The following B3GLCT variants were observed in gnomAD, a reference collection of about 807,000 sequenced individuals.
The protein encoded by B3GLCT is beta 3-glucosyltransferase, also known as beta-1,3-glucosyltransferase.
A neutral mutation model predicts 63.4 loss-of-function variants in B3GLCT; 65 were observed. The ratio of observed to expected loss-of-function variants is 1.03; its 90% CI spans 0.84 to 1.26. B3GLCT has a LOEUF of 1.26. B3GLCT is among the 50% of genes most tolerant of loss of function. The probability of loss-of-function intolerance (pLI) is 0.00; values close to 1 mark genes in which losing one functional copy is unlikely to be tolerated. For missense variants in B3GLCT, 577 were observed against 604.8 expected (o/e 0.95, Z 0.48); for synonymous variants, 233 against 219.2 (o/e 1.06, Z -0.55).
chr13:31,206,771 T>G (rs1251614244), intron 1 of B3GLCT, among the ~76,000 whole-genome samples: 1 of 151,814 alleles, frequency 6.6e-6, no homozygotes, highest in Non-Finnish European at 1.5e-5. Flanking sequence ...GATCGGTGGT[T>G]GTTTTGCCTT....
At chr13:31,252,555 G>A (rs758808935) in intron 6 of B3GLCT, among the ~76,000 whole-genome samples, 11 of 152,130 alleles carry the variant, frequency 7.2e-5, no homozygotes, top group East Asian at 3.9e-4. Context: ...AAAAAAAAGC[G>A]GGGGTTGCAA....
chr13:31,318,352 G>A (rs958020453), intron 13 of B3GLCT, among the ~76,000 whole-genome samples: 3 of 152,132 alleles, frequency 2.0e-5, no homozygotes, highest in African/African-American at 7.2e-5. Context: ...CAGCATTCTA[G>A]TTTATAATCT....
chr13:31,269,579 C>T (rs1319011731), intron 8 of B3GLCT, among the ~76,000 whole-genome samples: 3 of 152,046 alleles, frequency 2.0e-5, no homozygotes, highest in Non-Finnish European at 4.4e-5. Context: ...ATTAAAAGTA[C>T]CTCTGCTCTT....
intron 4 of B3GLCT, among the ~76,000 whole-genome samples, chr13:31,242,912 A>T (rs977095561): frequency 3.9e-5 from 6 of 152,212 alleles, no homozygotes; most frequent in Admixed American, 2.0e-4. Context: ...TTATTATAAC[A>T]TCACATATAA....
chr13:31,214,513 T>G (rs1869453432), intron 1 of B3GLCT, among the ~76,000 whole-genome samples: 1 of 152,224 alleles, frequency 6.6e-6, no homozygotes, highest in African/African-American at 2.4e-5. Flanking sequence ...ATTGCCTTAG[T>G]AGGGTTCTGT....
At chr13:31,316,431 A>ATATATATATATATATATATAT (rs1555255278) in intron 12 of B3GLCT, among the ~76,000 whole-genome samples, 280 of 109,878 alleles carry the variant, frequency 2.5e-3, no homozygotes, top group Middle Eastern at 4.7e-3. Context: ...ATATATATAT[A>ATATATATATATATATATATAT]AATTTTTTTT....
chr13:31,327,365 T>C (rs79261633), intron 14 of B3GLCT, among the ~76,000 whole-genome samples: 1 of 152,008 alleles, frequency 6.6e-6, no homozygotes, highest in Non-Finnish European at 1.5e-5. Flanking sequence ...GGGCAGGGAG[T>C]GTAGACAGCA....
At chr13:31,233,234 C>G (rs1439678915) in intron 4 of B3GLCT, among the ~76,000 whole-genome samples, 6 of 152,050 alleles carry the variant, frequency 3.9e-5, no homozygotes, top group African/African-American at 1.4e-4. Context: ...ATTTATTTCT[C>G]TCAGTGAAAC....
chr13:31,227,911 C>T (rs138496089), intron 3 of B3GLCT, among the ~76,000 whole-genome samples: 155 of 152,362 alleles, frequency 1.0e-3, no homozygotes, highest in African/African-American at 3.5e-3. Flanking sequence ...CCTCTGCCGA[C>T]ATTCCTGTCT....
chr13:31,208,867 C>T (rs1869117844), intron 1 of B3GLCT, among the ~76,000 whole-genome samples: 1 of 152,046 alleles, frequency 6.6e-6, no homozygotes, highest in African/African-American at 2.4e-5. Flanking sequence ...GATATGGCCC[C>T]TGGTACCTTC....
At chr13:31,278,026 TTAAA>T (rs1241203240) in intron 10 of B3GLCT, among the ~76,000 whole-genome samples, 1 of 152,208 alleles carries the variant, frequency 6.6e-6, no homozygotes, top group Non-Finnish European at 1.5e-5. Context: ...AATACCTTCT[TTAAA>T]TAGGTGTTGG....
chr13:31,288,572 C>A (rs1873470733), intron 12 of B3GLCT, among the ~76,000 whole-genome samples: 3 of 152,160 alleles, frequency 2.0e-5, no homozygotes, highest in South Asian at 2.1e-4. Flanking sequence ...AAGTCCCCAG[C>A]AAAATTTCAC....
At chr13:31,262,354 G>A (rs1324472661) in intron 7 of B3GLCT, among the ~76,000 whole-genome samples, 1 of 152,238 alleles carries the variant, frequency 6.6e-6, no homozygotes, top group East Asian at 1.9e-4. Context: ...ACTCAGTCCT[G>A]GGCCTGCCGG....
At chr13:31,299,219 C>G (rs777335470) in intron 12 of B3GLCT, among the ~76,000 whole-genome samples, 5 of 152,128 alleles carry the variant, frequency 3.3e-5, no homozygotes, top group Non-Finnish European at 7.4e-5. Context: ...TGTAAGCCAG[C>G]CTTTTATGTT....
intron 10 of B3GLCT, among the ~76,000 whole-genome samples, chr13:31,282,137 T>C (rs1873100798): frequency 2.0e-5 from 3 of 152,242 alleles, no homozygotes. Flanking sequence ...TTAAAGTATT[T>C]TCTCAAAGTT....
At chr13:31,275,428 T>C (rs1872737294) in intron 9 of B3GLCT, among the ~76,000 whole-genome samples, 1 of 152,202 alleles carries the variant, frequency 6.6e-6, no homozygotes, top group Non-Finnish European at 1.5e-5. Flanking sequence ...CTCATTTCTT[T>C]TGTTGATGAT....
At chr13:31,287,917 C>T (rs553005905) in intron 12 of B3GLCT, among the ~76,000 whole-genome samples, 1 of 152,214 alleles carries the variant, frequency 6.6e-6, no homozygotes, top group Non-Finnish European at 1.5e-5. Flanking sequence ...TATCAGTGAA[C>T]TCGAAGACAT....
chr13:31,277,251 A>G (rs961326071), intron 10 of B3GLCT, among the ~76,000 whole-genome samples: 1 of 152,118 alleles, frequency 6.6e-6, no homozygotes, highest in Non-Finnish European at 1.5e-5. Context: ...TCATGAGTAG[A>G]TAATATTGGA....
chr13:31,286,795 T>C lies in B3GLCT; in HGVS notation c.1040T>C (p.Ile347Thr). 2 of 1,612,324 alleles carry C rather than the reference T, an allele frequency of 1.2e-6. No homozygotes were observed. The highest frequency in any genetic ancestry group is 1.7e-6 in the Non-Finnish European group (2 of 1,178,538). ...RSQDKTAWLV[I>T]VDDDTLISIS... is the part of the protein sequence containing the mutation. ...CAGGACAAAACAGCATGGTTAGTCA[T>C]TGTGGATGATGATACATTAATAAGG... The change falls in exon 12 of 15, where the codon ATT becomes ACT. Residue 347 changes from isoleucine to threonine, a missense_variant. By Grantham distance (89) the Ile-to-Thr change is moderately conservative. Transcript: ENST00000343307.
Sources: gnomAD v4.1 joint callset for allele counts (sites outside exome capture counted in the v4.1 genomes callset) on GRCh38, gnomAD v4.1.1 for gene constraint, MANE v1.5 for transcripts, NCBI Gene and HGNC (gene_info 2026-07-23, HGNC 2026-07-21) for gene names.